Variants in DAB1 observed in about 807,000 individuals in gnomAD.
The protein encoded by DAB1 is DAB adaptor protein 1, also known as disabled homolog 1.
A neutral mutation model predicts 64.6 loss-of-function variants in DAB1; 15 were observed. The ratio of observed to expected loss-of-function variants is 0.23; its 90% CI spans 0.16 to 0.36. DAB1 has a LOEUF of 0.36. Among genes scored for constraint, DAB1 ranks in the 10% least tolerant of loss-of-function variants. DAB1 has a pLI of 1.00. For missense variants in DAB1, 596 were observed against 706.7 expected (o/e 0.84, Z 1.78); for synonymous variants, 235 against 251.9 (o/e 0.93, Z 0.64).
intron 5 of DAB1, among the ~76,000 whole-genome samples, chr1:58,127,516 A>G (rs191120912): frequency 0.048 from 7,347 of 151,604 alleles, 196 homozygotes; most frequent in Admixed American, 0.076. Context: ...TTGGTGTTTT[A>G]GACATGAAGT....
intron 1 of DAB1, among the ~76,000 whole-genome samples, chr1:57,420,252 G>T (rs1558353038): frequency 6.6e-6 from 1 of 152,144 alleles, no homozygotes; most frequent in South Asian, 2.1e-4. Context: ...AGCTAGCTGG[G>T]ATCACTTCCT....
intron 2 of DAB1, among the ~76,000 whole-genome samples, chr1:57,202,368 G>A (rs982624737): frequency 1.3e-5 from 2 of 152,176 alleles, no homozygotes; most frequent in African/African-American, 4.8e-5. Flanking sequence ...TTTTGATGAG[G>A]ACAGATTTTG....
At chr1:58,527,466 T>C in intron 1 of DAB1, 1 of 592,518 alleles carries the variant, frequency 1.7e-6, no homozygotes, top group Non-Finnish European at 3.0e-6. Context: ...CTACTAACAT[T>C]AAAATAACTC....
chr1:57,218,396 C>T (rs911606024), intron 2 of DAB1, among the ~76,000 whole-genome samples: 57 of 151,422 alleles, frequency 3.8e-4, no homozygotes, highest in Middle Eastern at 6.9e-3. Context: ...CTTTCATAAC[C>T]AGAGCAGGGT....
intron 7 of DAB1, among the ~76,000 whole-genome samples, chr1:57,601,571 C>T (rs775648370): frequency 4.6e-5 from 7 of 151,760 alleles, no homozygotes; most frequent in Non-Finnish European, 7.4e-5. Flanking sequence ...CCAGCCTGGG[C>T]GACAGAGCAA....
intron 4 of DAB1, among the ~76,000 whole-genome samples, chr1:58,231,759 A>C (rs181085350): frequency 7.2e-5 from 11 of 152,322 alleles, no homozygotes; most frequent in Non-Finnish European, 2.9e-5. Flanking sequence ...CAATAAACTC[A>C]GGGTTCTTGA....
intron 7 of DAB1, among the ~76,000 whole-genome samples, chr1:57,437,834 T>C (rs1463450645): frequency 6.6e-6 from 1 of 152,220 alleles, no homozygotes; most frequent in African/African-American, 2.4e-5. Context: ...TTTTTAACAA[T>C]CAAGGAGTTC....
chr1:58,177,361 A>G (rs1203548962), intron 4 of DAB1, among the ~76,000 whole-genome samples: 1 of 152,236 alleles, frequency 6.6e-6, no homozygotes, highest in Non-Finnish European at 1.5e-5. Flanking sequence ...ATGAATTAAA[A>G]TGCTCCACAA....
chr1:57,346,284 A>G (rs1233850742), intron 1 of DAB1, among the ~76,000 whole-genome samples: 3 of 152,218 alleles, frequency 2.0e-5, no homozygotes, highest in Admixed American at 2.0e-4. Flanking sequence ...TTCAGCTTCA[A>G]CTTGACTTCG....
At chr1:57,482,197 G>C (rs936759692) in intron 7 of DAB1, among the ~76,000 whole-genome samples, 3 of 151,980 alleles carry the variant, frequency 2.0e-5, no homozygotes, top group South Asian at 2.1e-4. Flanking sequence ...ATCTAAGTTC[G>C]CATGAAAGAG....
intron 6 of DAB1, among the ~76,000 whole-genome samples, chr1:57,695,986 T>C (rs530132428): frequency 6.6e-6 from 1 of 152,326 alleles, no homozygotes; most frequent in South Asian, 2.1e-4. Flanking sequence ...TATTTAACTC[T>C]GAAGCTATTA....
chr1:58,452,533 G>A (rs1194005482), intron 3 of DAB1, among the ~76,000 whole-genome samples: 1 of 151,866 alleles, frequency 6.6e-6, no homozygotes, highest in Non-Finnish European at 1.5e-5. Flanking sequence ...AGCTAAACCA[G>A]GCGCAGTGGC....
chr1:57,468,955 G>T (rs1687049734), intron 7 of DAB1, among the ~76,000 whole-genome samples: 1 of 152,202 alleles, frequency 6.6e-6, no homozygotes, highest in African/African-American at 2.4e-5. Context: ...CCTGCAGGGG[G>T]TAAAAACCCC....
intron 4 of DAB1, among the ~76,000 whole-genome samples, chr1:58,331,182 G>A (rs1217851580): frequency 2.6e-5 from 4 of 152,178 alleles, no homozygotes; most frequent in Non-Finnish European, 5.9e-5. Flanking sequence ...ACTTTGAAAG[G>A]TTCAAGACTT....
intron 7 of DAB1, among the ~76,000 whole-genome samples, chr1:57,605,208 T>C (rs191157422): frequency 2.1e-4 from 32 of 152,322 alleles, no homozygotes; most frequent in East Asian, 9.7e-4. Context: ...TCTATCACCG[T>C]TGGCCTGCTC....
At chr1:57,990,467 A>C (rs1367135286) in intron 5 of DAB1, among the ~76,000 whole-genome samples, 1 of 152,208 alleles carries the variant, frequency 6.6e-6, no homozygotes, top group Non-Finnish European at 1.5e-5. Context: ...TCTCACATAC[A>C]TACACTGTTT....
intron 7 of DAB1, among the ~76,000 whole-genome samples, chr1:57,571,371 C>G (rs1035773313): frequency 3.3e-5 from 5 of 152,144 alleles, no homozygotes; most frequent in Admixed American, 6.5e-5. Context: ...TCATCCTTAC[C>G]ACCCATTTTA....
intron 6 of DAB1, among the ~76,000 whole-genome samples, chr1:57,751,490 C>T (rs1392355825): frequency 6.6e-6 from 1 of 152,104 alleles, no homozygotes; most frequent in Non-Finnish European, 1.5e-5. Flanking sequence ...CAGTTCCAGT[C>T]CTTACAGTAA....
chr1:57,395,181 C>G (rs531288592), intron 1 of DAB1, among the ~76,000 whole-genome samples: 1 of 152,072 alleles, frequency 6.6e-6, no homozygotes, highest in Admixed American at 6.6e-5. Context: ...TGTGCGACCA[C>G]GCTCAGCTAA....
Sources: gnomAD v4.1 joint callset for allele counts (sites outside exome capture counted in the v4.1 genomes callset) on GRCh38, gnomAD v4.1.1 for gene constraint, MANE v1.5 for transcripts, NCBI Gene and HGNC (gene_info 2026-07-23, HGNC 2026-07-21) for gene names.